The following ADAMTSL1 variants were observed in gnomAD, a reference collection of about 807,000 sequenced individuals.
The protein encoded by ADAMTSL1 is ADAMTS like 1.
Under a neutral mutation model 201.8 loss-of-function variants are expected in ADAMTSL1, and 126 were observed. The ratio of observed to expected loss-of-function variants is 0.62; its 90% CI spans 0.54 to 0.72. The LOEUF is 0.72. Ranked by LOEUF, ADAMTSL1 falls within the 30% of genes least tolerant of loss-of-function variation. The pLI is 0.00. For missense variants in ADAMTSL1, 2,679 were observed against 2,277.8 expected, an observed-to-expected ratio of 1.18 and a Z score of -3.59; for synonymous variants, 1,121 against 903.4, an observed-to-expected ratio of 1.24 and a Z score of -4.32.
chr9:17,914,089 G>A (rs554770395), intron 1 of ADAMTSL1, among the ~76,000 whole-genome samples: 6 of 152,250 alleles, frequency 3.9e-5, no homozygotes, highest in Admixed American at 3.9e-4. Context: ...TTCTATCAGA[G>A]GTACAAGGAA....
chr9:18,107,232 A>G (rs562409247), intron 1 of ADAMTSL1, among the ~76,000 whole-genome samples: 5 of 152,290 alleles, frequency 3.3e-5, no homozygotes, highest in South Asian at 2.1e-4. Flanking sequence ...TCAGGCTATG[A>G]TACTTCTCAT....
intron 1 of ADAMTSL1, among the ~76,000 whole-genome samples, chr9:18,052,747 T>C (rs967767135): frequency 1.3e-5 from 2 of 152,194 alleles, no homozygotes; most frequent in Non-Finnish European, 2.9e-5. Flanking sequence ...GGAGTCTTTT[T>C]AATGTTTTAT....
At chr9:18,126,814 A>G (rs1044572969) in intron 1 of ADAMTSL1, among the ~76,000 whole-genome samples, 5 of 152,186 alleles carry the variant, frequency 3.3e-5, no homozygotes, top group African/African-American at 9.7e-5. Flanking sequence ...AAATATGTCT[A>G]TGCTTATGCC....
At chr9:18,124,582 T>C (rs1233770743) in intron 1 of ADAMTSL1, among the ~76,000 whole-genome samples, 2 of 152,146 alleles carry the variant, frequency 1.3e-5, no homozygotes, top group African/African-American at 4.8e-5. Context: ...AGTTTTGAAT[T>C]TTGATGAAGT....
chr9:18,315,642 C>T (rs1038094755), intron 2 of ADAMTSL1, among the ~76,000 whole-genome samples: 9 of 152,200 alleles, frequency 5.9e-5, no homozygotes, highest in Admixed American at 2.6e-4. Context: ...CCACCGATCC[C>T]GCGCCCACCT....
intron 2 of ADAMTSL1, among the ~76,000 whole-genome samples, chr9:18,410,637 T>C (rs1050263604): frequency 6.6e-6 from 1 of 152,198 alleles, no homozygotes; most frequent in Non-Finnish European, 1.5e-5. Flanking sequence ...GGCATTCAGG[T>C]TGATTCCATA....
intron 20 of ADAMTSL1, among the ~76,000 whole-genome samples, chr9:18,814,910 G>A (rs112434921): frequency 7.2e-5 from 11 of 152,202 alleles, no homozygotes; most frequent in African/African-American, 2.2e-4. Flanking sequence ...CTGAATAGAC[G>A]TTTCTCAAAA....
chr9:17,989,114 T>C (rs1699875663), intron 1 of ADAMTSL1, among the ~76,000 whole-genome samples: 1 of 151,968 alleles, frequency 6.6e-6, no homozygotes, highest in Non-Finnish European at 1.5e-5. Context: ...TTTTAAATTT[T>C]CTTTATTTAA....
At chr9:18,071,713 G>A (rs1249158472) in intron 1 of ADAMTSL1, among the ~76,000 whole-genome samples, 2 of 152,208 alleles carry the variant, frequency 1.3e-5, no homozygotes, top group East Asian at 1.9e-4. Context: ...GTATCAGGAC[G>A]TTTCCTCGAA....
At chr9:18,828,507 G>A (rs148395963) in intron 22 of ADAMTSL1, among the ~76,000 whole-genome samples, 10 of 151,170 alleles carry the variant, frequency 6.6e-5, no homozygotes, top group African/African-American at 2.4e-4. Context: ...TCTTAGAAAG[G>A]AACCTCATTT....
intron 1 of ADAMTSL1, among the ~76,000 whole-genome samples, chr9:18,063,583 G>A (rs1006585060): frequency 2.6e-5 from 4 of 152,290 alleles, no homozygotes; most frequent in South Asian, 2.1e-4. Context: ...TTAGCGAAGC[G>A]AATGCAGGGA....
At chr9:17,972,157 A>T (rs889515443) in intron 1 of ADAMTSL1, among the ~76,000 whole-genome samples, 9 of 149,922 alleles carry the variant, frequency 6.0e-5, no homozygotes, top group African/African-American at 1.7e-4. Flanking sequence ...TTTTTTTTAA[A>T]TTTTTTTATT....
At chr9:18,280,798 G>A (rs952130463) in intron 2 of ADAMTSL1, among the ~76,000 whole-genome samples, 1 of 151,134 alleles carries the variant, frequency 6.6e-6, no homozygotes, top group South Asian at 2.1e-4. Flanking sequence ...CTTTCCTTTG[G>A]ATTCCTTAAG....
intron 10 of ADAMTSL1, among the ~76,000 whole-genome samples, chr9:18,679,282 T>C (rs2133154458): frequency 1.3e-5 from 2 of 152,316 alleles, no homozygotes; most frequent in Non-Finnish European, 2.9e-5. Flanking sequence ...TAAAATTATA[T>C]CTCTCATAAT....
chr9:18,035,161 G>T (rs1203402568), intron 1 of ADAMTSL1, among the ~76,000 whole-genome samples: 1 of 152,070 alleles, frequency 6.6e-6, no homozygotes, highest in Non-Finnish European at 1.5e-5. Flanking sequence ...CTAAACATGG[G>T]ACTGTGCATA....
chr9:18,176,044 G>T (rs1328527313), intron 2 of ADAMTSL1, among the ~76,000 whole-genome samples: 1 of 142,782 alleles, frequency 7.0e-6, no homozygotes, highest in Non-Finnish European at 1.5e-5. Flanking sequence ...GGCAAACAAA[G>T]GTTTCGTTTG....
At chr9:18,115,690 C>T (rs569994057) in intron 1 of ADAMTSL1, among the ~76,000 whole-genome samples, 1 of 152,106 alleles carries the variant, frequency 6.6e-6, no homozygotes, top group Non-Finnish European at 1.5e-5. Flanking sequence ...CCTTGTTTTA[C>T]AAATAGTGAT....
intron 23 of ADAMTSL1, among the ~76,000 whole-genome samples, chr9:18,847,149 A>G (rs920121645): frequency 2.0e-5 from 3 of 152,322 alleles, no homozygotes; most frequent in African/African-American, 7.2e-5. Context: ...GTTAGGACAG[A>G]CAGAAAAGTC....
At chr9:18,375,639 C>T (rs962162955) in intron 2 of ADAMTSL1, among the ~76,000 whole-genome samples, 3 of 152,150 alleles carry the variant, frequency 2.0e-5, no homozygotes, top group Non-Finnish European at 2.9e-5. Flanking sequence ...TGGACCTTCA[C>T]GGTGAGTGTT....
Sources: gnomAD v4.1 joint callset for allele counts (sites outside exome capture counted in the v4.1 genomes callset) on GRCh38, gnomAD v4.1.1 for gene constraint, MANE v1.5 for transcripts, NCBI Gene and HGNC (gene_info 2026-07-23, HGNC 2026-07-21) for gene names.